Variants in BEST3 observed in about 807,000 individuals in gnomAD.
BEST3 encodes bestrophin 3, also known as bestrophin-3.
Under a neutral mutation model 47.1 loss-of-function variants are expected in BEST3, and 50 were observed. That is an observed-to-expected ratio of 1.06 (90% CI 0.85 to 1.34). BEST3 has a LOEUF of 1.34. BEST3 is among the 40% of genes most tolerant of loss of function. The probability of loss-of-function intolerance (pLI) is 0.00; values close to 1 mark genes in which losing one functional copy is unlikely to be tolerated. For synonymous variants in BEST3, 282 were observed against 298.8 expected (o/e 0.94, Z 0.58); for missense variants, 765 against 817.0 (o/e 0.94, Z 0.78).
At chr12:69,668,022 T>C (rs2135950416) in intron 9 of BEST3, among the ~76,000 whole-genome samples, 1 of 152,296 alleles carries the variant, frequency 6.6e-6, no homozygotes, top group South Asian at 2.1e-4. Context: ...TCCCTTAATA[T>C]AGAGAATAAA....
Position 69,672,879 on chromosome 12 carries a change from TC to T in BEST3, c.948+5del. On this transcript the variant is annotated splice_donor_5th_base_variant and intron_variant, in intron 8 of 9. Coordinates refer to ENST00000330891, the MANE Select transcript of BEST3 (RefSeq NM_032735.3). ...CATTTGAAAAAGAAAGAAAAATTCC[TC>T]TAACCTGCAAATTTCTGTCAATGCA... is the stretch of plus-strand genomic sequence containing the variant. 3.7e-6 allele frequency: 6 copies of T among 1,601,640 alleles called. No homozygotes were observed. Among genetic ancestry groups the T allele is most frequent in the Non-Finnish European group, 5.1e-6 (6 of 1,173,042 alleles).
intron 9 of BEST3, among the ~76,000 whole-genome samples, chr12:69,665,618 CAA>C (rs869030978): frequency 2.5e-5 from 1 of 39,502 alleles, no homozygotes; most frequent in East Asian, 7.7e-4. Context: ...CACAAAAAAA[CAA>C]ACAAAAAAAA....
At chr12:69,671,927 A>G (rs900519277) in intron 8 of BEST3, among the ~76,000 whole-genome samples, 4 of 152,168 alleles carry the variant, frequency 2.6e-5, no homozygotes, top group Non-Finnish European at 5.9e-5. Context: ...GATAGCACCT[A>G]CTTAACCCCA....
rs200887965 is a variant in BEST3 at position 69,677,075 on chromosome 12, C to T, written c.715-7G>A. The T allele has an allele frequency of 1.9e-6, 3 of 1,614,180 alleles. No individual in the cohort carries two copies. Among genetic ancestry groups the T allele is most frequent in the East Asian group, 2.2e-5 (1 of 44,878 alleles). Reference sequence around the variant, plus strand: ...AGACAGCAAGAGTGACAACCTGGAACAGAGAGAGACCAGAGTGAGGGGACA... The same window carrying T: ...AGACAGCAAGAGTGACAACCTGGAATAGAGAGAGACCAGAGTGAGGGGACA... On this transcript the variant is annotated splice_polypyrimidine_tract_variant and splice_region_variant and intron_variant, in intron 6 of 9. Transcript: ENST00000330891.
intron 8 of BEST3, among the ~76,000 whole-genome samples, chr12:69,672,044 GT>G (rs1481021032): frequency 3.3e-5 from 5 of 152,234 alleles, no homozygotes; most frequent in African/African-American, 1.2e-4. Context: ...TCATTTCTTT[GT>G]TTGGAAAAAC....
chr12:69,659,160 G>GCATCAT (rs1883714088), intron 9 of BEST3, among the ~76,000 whole-genome samples: 2 of 152,068 alleles, frequency 1.3e-5, no homozygotes, highest in Admixed American at 1.3e-4. Flanking sequence ...TGCCCTCCAG[G>GCATCAT]TCTTAATGCT....
At chr12:69,690,769 C>G (rs915433137) in intron 4 of BEST3, among the ~76,000 whole-genome samples, 8 of 152,156 alleles carry the variant, frequency 5.3e-5, no homozygotes, top group African/African-American at 1.9e-4. Context: ...AATTCTTAAT[C>G]TATTTGTTCC....
intron 9 of BEST3, 137 bp downstream of exon 9, chr12:69,671,291 A>G (rs1224511390): frequency 2.3e-6 from 2 of 861,720 alleles, no homozygotes; most frequent in Non-Finnish European, 3.3e-6. Flanking sequence ...CAGCCTCCCC[A>G]AGTAGCTAGG....
intron 4 of BEST3, chr12:69,684,278 C>T (rs1358606584): frequency 1.1e-5 from 4 of 348,190 alleles, no homozygotes; most frequent in Non-Finnish European, 2.1e-5. Context: ...CTTCATCTTT[C>T]TAATCAGAGT....
intron 4 of BEST3, among the ~76,000 whole-genome samples, chr12:69,681,732 C>T (rs1885263779): frequency 6.6e-6 from 1 of 152,114 alleles, no homozygotes; most frequent in African/African-American, 2.4e-5. Flanking sequence ...CTCAGTAGGG[C>T]AGGAGTTCTC....
intron 4 of BEST3, chr12:69,684,521 A>T (rs1885442172): frequency 1.6e-6 from 1 of 627,778 alleles, no homozygotes; most frequent in Non-Finnish European, 3.1e-6. Flanking sequence ...TTTCAAGCAG[A>T]GTATTCAAAC....
intron 9 of BEST3, 113 bp from the exon 10 acceptor site, chr12:69,655,926 A>C: frequency 6.9e-7 from 1 of 1,449,380 alleles, no homozygotes; most frequent in Non-Finnish European, 9.1e-7. Context: ...AGATTTTTTA[A>C]ATGGGGGTTT....
chr12:69,664,638 A>G (rs1485225401), intron 9 of BEST3, among the ~76,000 whole-genome samples: 1 of 150,710 alleles, frequency 6.6e-6, no homozygotes, highest in Non-Finnish European at 1.5e-5. Flanking sequence ...CCTTCTGGAA[A>G]TACATACAAT....
At chr12:69,680,256 A>G (rs1885162563) in intron 4 of BEST3, among the ~76,000 whole-genome samples, 1 of 150,610 alleles carries the variant, frequency 6.6e-6, no homozygotes, top group African/African-American at 2.4e-5. Flanking sequence ...CCTGCTATAT[A>G]CCAGGGTTTG....
chr12:69,670,656 A>G (rs1437630059), intron 9 of BEST3: 8 of 668,550 alleles, frequency 1.2e-5, no homozygotes, highest in East Asian at 8.1e-5. Context: ...ACAGGACACA[A>G]ACCCACTGCA....
intron 9 of BEST3, among the ~76,000 whole-genome samples, chr12:69,656,408 A>G (rs1176032538): frequency 6.6e-6 from 1 of 151,196 alleles, no homozygotes; most frequent in Admixed American, 6.6e-5. Context: ...TCTGTCATCT[A>G]GTATATGTTC....
At chr12:69,669,638 T>C (rs1246094086) in intron 9 of BEST3, 1 of 152,244 alleles carries the variant, frequency 6.6e-6, no homozygotes, top group Non-Finnish European at 1.5e-5. Context: ...TAGGTGATAA[T>C]AATCATCATG....
At chr12:69,651,769 C>G (rs1883216268), downstream of BEST3, among the ~76,000 whole-genome samples, 1 of 123,568 alleles carries the variant, frequency 8.1e-6, no homozygotes, top group South Asian at 3.0e-4. Context: ...AAGTGAGACT[C>G]TGTCTCAAAA....
At chr12:69,686,892 G>A (rs74101305) in intron 4 of BEST3, among the ~76,000 whole-genome samples, 3 of 152,026 alleles carry the variant, frequency 2.0e-5, no homozygotes, top group African/African-American at 7.2e-5. Flanking sequence ...GCAGAAGGTC[G>A]CAAAACTTTC....
Sources: allele counts gnomAD v4.1 joint callset (sites outside exome capture counted in the v4.1 genomes callset), GRCh38; gene constraint gnomAD v4.1.1; transcripts MANE v1.5; gene names NCBI Gene and HGNC (gene_info 2026-07-23, HGNC 2026-07-21).